AGBL4: variants seen among roughly 807,000 people sequenced by gnomAD.
AGBL4 encodes the protein AGBL carboxypeptidase 4, also known as cytosolic carboxypeptidase 6.
In AGBL4, 58 loss-of-function variants were observed where a neutral mutation model predicts 66.4. The observed-to-expected ratio is 0.87, with a 90% CI of 0.71 to 1.09. The LOEUF is 1.09. AGBL4 is among the 50% of genes least tolerant of loss of function. AGBL4 has a pLI of 0.00. For synonymous variants in AGBL4, 234 were observed against 222.9 expected, an observed-to-expected ratio of 1.05 and a Z score of -0.44; for missense variants, 579 against 631.0, an observed-to-expected ratio of 0.92 and a Z score of 0.88.
At chr1:48,994,720 A>G (rs940004699) in intron 5 of AGBL4, among the ~76,000 whole-genome samples, 1 of 152,206 alleles carries the variant, frequency 6.6e-6, no homozygotes, top group Non-Finnish European at 1.5e-5. Flanking sequence ...ACTTTTTATG[A>G]ACTCATAAAT....
chr1:48,745,135 C>T (rs1438210910), intron 6 of AGBL4, among the ~76,000 whole-genome samples: 1 of 152,180 alleles, frequency 6.6e-6, no homozygotes, highest in East Asian at 1.9e-4. Context: ...AGGGAAGCGC[C>T]TGGCACATGG....
chr1:48,840,144 C>T (rs948359787), intron 6 of AGBL4, among the ~76,000 whole-genome samples: 12 of 152,248 alleles, frequency 7.9e-5, no homozygotes, highest in African/African-American at 2.6e-4. Flanking sequence ...TACCTTCAGT[C>T]TCTTAATTTT....
chr1:49,436,752 C>T (rs1645913289), intron 3 of AGBL4, among the ~76,000 whole-genome samples: 1 of 152,042 alleles, frequency 6.6e-6, no homozygotes, highest in Non-Finnish European at 1.5e-5. Flanking sequence ...CCGACGACAG[C>T]TTATTTAGAC....
chr1:49,210,333 T>C (rs911249328), intron 4 of AGBL4, among the ~76,000 whole-genome samples: 1 of 152,128 alleles, frequency 6.6e-6, no homozygotes. Context: ...CAGGATTTGA[T>C]CACAAGACTG....
intron 4 of AGBL4, among the ~76,000 whole-genome samples, chr1:49,091,844 C>T (rs1645009517): frequency 6.6e-6 from 1 of 152,110 alleles, no homozygotes; most frequent in Non-Finnish European, 1.5e-5. Context: ...GAATACCACA[C>T]AGTCATAAAA....
chr1:48,639,862 A>G (rs1477158561), intron 8 of AGBL4, among the ~76,000 whole-genome samples: 1 of 152,192 alleles, frequency 6.6e-6, no homozygotes, highest in Non-Finnish European at 1.5e-5. Flanking sequence ...CTAACTGACT[A>G]TAAGCACAAG....
At chr1:48,563,525 G>C (rs888645895) in intron 11 of AGBL4, among the ~76,000 whole-genome samples, 1 of 152,028 alleles carries the variant, frequency 6.6e-6, no homozygotes, top group Admixed American at 6.6e-5. Flanking sequence ...AGGAGAGAGA[G>C]AGAATTAAAA....
intron 1 of AGBL4, among the ~76,000 whole-genome samples, chr1:50,022,596 GGTGT>G (rs1662524304): frequency 6.8e-6 from 1 of 146,294 alleles, no homozygotes; most frequent in African/African-American, 2.6e-5. Context: ...TCTGGGGTGT[GGTGT>G]GTATGTACCA....
chr1:49,655,533 C>G (rs1013811538), intron 3 of AGBL4, among the ~76,000 whole-genome samples: 3 of 152,126 alleles, frequency 2.0e-5, no homozygotes, highest in Admixed American at 2.0e-4. Flanking sequence ...ATACCAGAAT[C>G]TCTGGGACAC....
At chr1:48,879,861 T>G (rs534871084) in intron 5 of AGBL4, among the ~76,000 whole-genome samples, 40 of 152,280 alleles carry the variant, frequency 2.6e-4, no homozygotes, top group South Asian at 1.7e-3. Context: ...AAAAATACTT[T>G]GATCATAGTA....
intron 3 of AGBL4, among the ~76,000 whole-genome samples, chr1:49,573,863 ACT>A (rs1180883395): frequency 1.3e-5 from 2 of 152,010 alleles, no homozygotes; most frequent in East Asian, 3.9e-4. Flanking sequence ...GAGTTTGTAA[ACT>A]CTGATGAATC....
At chr1:49,953,188 A>G (rs1656308029) in intron 1 of AGBL4, among the ~76,000 whole-genome samples, 1 of 151,994 alleles carries the variant, frequency 6.6e-6, no homozygotes, top group African/African-American at 2.4e-5. Flanking sequence ...ACCAGTAATG[A>G]AATGAAATAT....
chr1:49,028,367 T>C (rs1663906732), intron 5 of AGBL4, among the ~76,000 whole-genome samples: 1 of 152,146 alleles, frequency 6.6e-6, no homozygotes, highest in Non-Finnish European at 1.5e-5. Flanking sequence ...TAGCGATTAA[T>C]ACAGGGTAAT....
chr1:49,335,176 C>T (rs192930811), intron 3 of AGBL4, among the ~76,000 whole-genome samples: 317 of 152,330 alleles, frequency 2.1e-3, no homozygotes, highest in African/African-American at 7.2e-3. Context: ...GTAACTGACA[C>T]GACACAACCA....
intron 6 of AGBL4, among the ~76,000 whole-genome samples, chr1:48,674,358 A>T (rs2148471103): frequency 6.6e-6 from 1 of 152,286 alleles, no homozygotes; most frequent in East Asian, 1.9e-4. Context: ...GGTGGCTGGG[A>T]TCAGCAAATT....
At chr1:49,925,856 A>T (rs963930538) in intron 1 of AGBL4, among the ~76,000 whole-genome samples, 1 of 152,186 alleles carries the variant, frequency 6.6e-6, no homozygotes. Context: ...GCTCAGCCAC[A>T]GTAGAATAAA....
intron 3 of AGBL4, among the ~76,000 whole-genome samples, chr1:49,250,112 A>G (rs1325941240): frequency 6.6e-6 from 1 of 152,248 alleles, no homozygotes; most frequent in Non-Finnish European, 1.5e-5. Context: ...AATGGGTACA[A>G]AAATACAGAT....
At chr1:49,223,500 T>A (rs1430193716) in intron 4 of AGBL4, among the ~76,000 whole-genome samples, 1 of 152,240 alleles carries the variant, frequency 6.6e-6, no homozygotes. Flanking sequence ...GTTTCTTTGA[T>A]GCTTTCTTTT....
At chr1:49,132,189 C>G (rs556159742) in intron 4 of AGBL4, among the ~76,000 whole-genome samples, 15 of 152,004 alleles carry the variant, frequency 9.9e-5, no homozygotes, top group African/African-American at 3.4e-4. Flanking sequence ...GTGGTTAACA[C>G]GATCAAATTC....
Sources: allele counts gnomAD v4.1 joint callset (sites outside exome capture counted in the v4.1 genomes callset), GRCh38; gene constraint gnomAD v4.1.1; transcripts MANE v1.5; gene names NCBI Gene and HGNC (gene_info 2026-07-23, HGNC 2026-07-21).